Variants in SLC2A13 observed in about 807,000 individuals in gnomAD.
The protein encoded by SLC2A13 is proton myo-inositol cotransporter.
SLC2A13 carries 32 observed loss-of-function variants against 64.4 expected under a neutral mutation model. The ratio of observed to expected loss-of-function variants is 0.50; its 90% CI spans 0.37 to 0.67. The LOEUF (loss-of-function observed/expected upper bound fraction) is 0.67. Among genes scored for constraint, SLC2A13 ranks in the 30% least tolerant of loss-of-function variants. The pLI is 0.00. For synonymous variants in SLC2A13, 338 were observed against 327.1 expected, an observed-to-expected ratio of 1.03 and a Z score of -0.36; for missense variants, 743 against 829.2, an observed-to-expected ratio of 0.90 and a Z score of 1.28.
At chr12:40,013,614 C>T (rs550436372) in intron 3 of SLC2A13, among the ~76,000 whole-genome samples, 1 of 152,206 alleles carries the variant, frequency 6.6e-6, no homozygotes, top group Admixed American at 6.5e-5. Context: ...CTATATGACA[C>T]AAGAACCACT....
At chr12:39,858,683 T>C (rs553031699) in intron 6 of SLC2A13, among the ~76,000 whole-genome samples, 3 of 152,326 alleles carry the variant, frequency 2.0e-5, no homozygotes, top group South Asian at 2.1e-4. Context: ...CTCGGCTCAC[T>C]GCAACCTCCG....
In SLC2A13 at chr12:39,755,551, A is replaced by G. The variant is rs866514904; in HGVS notation, c.*4475T>C. On this transcript the variant is annotated 3_prime_UTR_variant, in exon 10 of 10. Coordinates refer to ENST00000280871, the MANE Select transcript of SLC2A13 (RefSeq NM_052885.4). ...GAATATAAATTTCTACTTTGGCTAG[A>G]GTTGTCTCTTCTTTTTTAACCTTTA... The G allele has an allele frequency of 2.0e-5, 3 of 152,092 alleles. No homozygotes were observed. In the South Asian group the frequency reaches 6.2e-4, roughly 32 times the overall value. 9.4% of individuals were successfully genotyped at this position (152,092 alleles called of 1,614,324 possible). A position where few individuals can be genotyped will look rare whatever the true frequency, so the allele number is the denominator to read the frequency against.
intron 6 of SLC2A13, among the ~76,000 whole-genome samples, chr12:39,851,684 A>G (rs1360060642): frequency 6.6e-6 from 1 of 152,232 alleles, no homozygotes; most frequent in African/African-American, 2.4e-5. Context: ...ATACATCAAG[A>G]GAAAAGCAGC....
At position 39,758,531 on chromosome 12, in the gene SLC2A13, C is replaced by G. The variant is rs1940030471; in HGVS notation, c.*1495G>C. ...TCATTCATATTTTTCCTGGAACTAG[C>G]AAGTAATTTTGTGATCAAGTAATTT... is the stretch of plus-strand genomic sequence containing the variant. On this transcript the variant is annotated 3_prime_UTR_variant, in exon 10 of 10. Transcript: ENST00000280871. 6.6e-6 allele frequency: 1 copy of G among 151,792 alleles called. No individual in the cohort carries two copies. The highest frequency in any genetic ancestry group is 6.6e-5 in the Admixed American group (1 of 15,188). 9.4% of individuals were successfully genotyped at this position (151,792 alleles called of 1,614,324 possible).
At chr12:39,840,091 G>A (rs897635871) in intron 6 of SLC2A13, among the ~76,000 whole-genome samples, 1 of 151,986 alleles carries the variant, frequency 6.6e-6, no homozygotes, top group East Asian at 1.9e-4. Flanking sequence ...GAGTGCAATG[G>A]TGTGATCTTG....
At chr12:39,908,248 T>G (rs1592274034) in intron 4 of SLC2A13, 1 of 152,086 alleles carries the variant, frequency 6.6e-6, no homozygotes, top group Non-Finnish European at 1.5e-5. Context: ...TATCTTCCTG[T>G]TAATTATTCC....
At chr12:40,037,427 C>T (rs914554587) in intron 2 of SLC2A13, among the ~76,000 whole-genome samples, 6 of 151,902 alleles carry the variant, frequency 3.9e-5, no homozygotes, top group Middle Eastern at 3.4e-3. Flanking sequence ...AAAACCAGCC[C>T]AGGAAACAAG....
At chr12:39,855,798 A>G (rs1943593310) in intron 6 of SLC2A13, among the ~76,000 whole-genome samples, 1 of 152,242 alleles carries the variant, frequency 6.6e-6, no homozygotes, top group South Asian at 2.1e-4. Context: ...TAGTCTTCTA[A>G]TTTAATCAAT....
chr12:39,854,771 G>T (rs73103024), intron 6 of SLC2A13, among the ~76,000 whole-genome samples: 7,013 of 152,164 alleles, frequency 0.046, 256 homozygotes, highest in African/African-American at 0.11. Context: ...TCCTGTGCCT[G>T]GTGGCCCTTT....
At chr12:40,053,972 C>T (rs961532181) in intron 1 of SLC2A13, among the ~76,000 whole-genome samples, 1 of 152,126 alleles carries the variant, frequency 6.6e-6, no homozygotes, top group African/African-American at 2.4e-5. Context: ...GAATTTTGTC[C>T]CTCAACAAAG....
In SLC2A13 at chr12:40,105,575, G is replaced by T; in HGVS notation, c.234C>A (p.Pro78=). 1 of 1,567,190 alleles carries T rather than the reference G, an allele frequency of 6.4e-7. No homozygotes were observed. Among genetic ancestry groups the T allele is most frequent in the Non-Finnish European group, 8.6e-7 (1 of 1,159,526 alleles). ...AGACGGCCACCACGTACACGAAGGC[G>T]GGGGTCTCGTCCTGCTGGAACTGCC... ...ARRQFQQDET[P]AFVYVVAVFS... is the part of the protein sequence containing the mutation. The change falls in exon 1 of 10, where the codon CCC becomes CCA. Residue 78 remains proline (P), a synonymous_variant. Coordinates refer to ENST00000280871, the MANE Select transcript of SLC2A13 (RefSeq NM_052885.4). This position sits in a 1 kb window ranked among gnomAD's most constrained non-coding sequence, Gnocchi z 4.2.
intron 7 of SLC2A13, among the ~76,000 whole-genome samples, chr12:39,801,960 C>A (rs998891973): frequency 1.3e-5 from 2 of 152,192 alleles, no homozygotes; most frequent in African/African-American, 4.8e-5. Context: ...CTCATTCCCA[C>A]AGAGCTTAGA....
chr12:39,958,844 AC>A (rs1288732497), intron 3 of SLC2A13, among the ~76,000 whole-genome samples: 1 of 151,306 alleles, frequency 6.6e-6, no homozygotes, highest in Non-Finnish European at 1.5e-5. Flanking sequence ...CCAGGCTCTC[AC>A]TCCTGGCTAA....
intron 1 of SLC2A13, among the ~76,000 whole-genome samples, chr12:40,059,848 G>C (rs1398204024): frequency 5.3e-5 from 8 of 152,128 alleles, no homozygotes; most frequent in Non-Finnish European, 7.4e-5. Context: ...TCCTCCAAGG[G>C]TATAGGGAGG....
chr12:39,833,042 T>C (rs954168493), intron 6 of SLC2A13, among the ~76,000 whole-genome samples: 1 of 152,146 alleles, frequency 6.6e-6, no homozygotes, highest in African/African-American at 2.4e-5. Context: ...TCTTTACTTC[T>C]GCTTACATTT....
chr12:40,047,725 A>C (rs939874745), intron 2 of SLC2A13, among the ~76,000 whole-genome samples: 1 of 152,226 alleles, frequency 6.6e-6, no homozygotes, highest in Non-Finnish European at 1.5e-5. Context: ...CTTGTCAATC[A>C]TTGTAGAATT....
intron 7 of SLC2A13, among the ~76,000 whole-genome samples, chr12:39,823,056 G>A (rs1056505496): frequency 6.6e-6 from 1 of 152,150 alleles, no homozygotes; most frequent in African/African-American, 2.4e-5. Context: ...ACAGCCTAGA[G>A]GCATGTGATC....
At chr12:39,902,042 G>A (rs1945132984) in intron 4 of SLC2A13, among the ~76,000 whole-genome samples, 2 of 152,004 alleles carry the variant, frequency 1.3e-5, no homozygotes, top group East Asian at 1.9e-4. Context: ...GTCCTTTGTA[G>A]GGACATGGAT....
chr12:39,959,811 A>T (rs1235346851), intron 3 of SLC2A13, among the ~76,000 whole-genome samples: 9 of 152,082 alleles, frequency 5.9e-5, no homozygotes, highest in African/African-American at 1.7e-4. Context: ...TTTTCTTTTT[A>T]AAAAAATTTT....
Sources: gnomAD v4.1 joint callset for allele counts (sites outside exome capture counted in the v4.1 genomes callset) on GRCh38, gnomAD v4.1.1 for gene constraint, Gnocchi (gnomAD v3.1) non-coding constraint, MANE v1.5 for transcripts, NCBI Gene and HGNC (gene_info 2026-07-23, HGNC 2026-07-21) for gene names.